The following ZRANB3 variants were observed in gnomAD, a reference collection of about 807,000 sequenced individuals.
ZRANB3 encodes DNA annealing helicase and endonuclease ZRANB3.
Under a neutral mutation model 133.8 loss-of-function variants are expected in ZRANB3, and 125 were observed. The ratio of observed to expected loss-of-function variants is 0.93; its 90% CI spans 0.81 to 1.08. ZRANB3 has a LOEUF of 1.08. ZRANB3 is among the 50% of genes least tolerant of loss of function. ZRANB3 has a pLI of 0.00. For synonymous variants in ZRANB3, 387 were observed against 432.7 expected (o/e 0.89, Z 1.31); for missense variants, 1,229 against 1,275.5 (o/e 0.96, Z 0.56).
chr2:135,518,124 G>A (rs998051379), intron 1 of ZRANB3, among the ~76,000 whole-genome samples: 18 of 152,226 alleles, frequency 1.2e-4, no homozygotes, highest in South Asian at 4.2e-4. Flanking sequence ...AAGCTCGACC[G>A]TCCCAGATAG....
rs186432342 is a variant in ZRANB3 at position 135,213,114 on chromosome 2, A to G, written c.2496-4136T>C. Among the ~76,000 whole-genome samples, 331 of 151,514 alleles carry G rather than the reference A, an allele frequency of 2.2e-3. 1 individual carries two copies. The highest frequency in any genetic ancestry group is 6.9e-3 in the Admixed American group (105 of 15,262). On this transcript the variant is annotated intron_variant, in intron 17 of 20. Coordinates refer to ENST00000264159, the MANE Select transcript of ZRANB3 (RefSeq NM_032143.4). ...GGGGAGTGCCCAAAGTCAGTTAACT[A>G]TAGGTCTTTTTTCAGAACCATTCAG...
rs1430578086 is a variant in ZRANB3 at position 135,228,012 on chromosome 2, AT to A, written c.1957del (p.Met653CysfsTer3). On this transcript the variant is annotated frameshift_variant and splice_region_variant, in exon 14 of 21. Coordinates refer to ENST00000264159, the MANE Select transcript of ZRANB3 (RefSeq NM_032143.4). LOFTEE classifies it high-confidence loss of function. The stretch of plus-strand genomic sequence containing the variant: ...GATATGGTTGAGGCTATCTATTTGC[AT>A]AACTATTAAAATAAAAATTATTACA... ...MCETPQGSAVMQIDSLNHIQD... is the reference protein window; with the variant it reads ...MCETPQGSAVXQIDSLNHIQD... 2 of 1,524,716 alleles carry A rather than the reference AT, an allele frequency of 1.3e-6. No homozygotes were observed. The highest frequency in any genetic ancestry group is 1.8e-6 in the Non-Finnish European group (2 of 1,137,032). 94.4% of individuals were successfully genotyped at this position (1,524,716 alleles called of 1,614,324 possible). A position where few individuals can be genotyped will look rare whatever the true frequency, so the allele number is the denominator to read the frequency against.
intron 2 of ZRANB3, among the ~76,000 whole-genome samples, chr2:135,415,018 G>A (rs1252989203): frequency 1.3e-5 from 2 of 151,408 alleles, no homozygotes; most frequent in African/African-American, 4.8e-5. Context: ...ACCCAAAATT[G>A]ACACCCTAAC....
chr2:135,208,918 G>T lies in ZRANB3; in HGVS notation c.2556C>A (p.Gly852=), dbSNP rs757912143. The change falls in exon 18 of 21, where the codon GGC becomes GGA. Residue 852 remains glycine, a synonymous_variant. Coordinates refer to ENST00000264159, the MANE Select transcript of ZRANB3 (RefSeq NM_032143.4). The part of the protein sequence containing the change: ...ASMDKVKNVG[G]HVRLITKESR... ...ACTCCTTTGTGATCAGACGGACATGGCCCCCAACATTCTTCACTTTGTCCA... is the reference window on the plus strand; with the variant it reads ...ACTCCTTTGTGATCAGACGGACATGTCCCCCAACATTCTTCACTTTGTCCA... 9 of 1,613,938 alleles carry T rather than the reference G, an allele frequency of 5.6e-6. No individual in the cohort carries two copies. Among genetic ancestry groups the T allele is most frequent in the Non-Finnish European group, 7.6e-6 (9 of 1,179,876 alleles).
In ZRANB3 at chr2:135,438,235, A is replaced by G. The variant is rs1011960354; in HGVS notation, c.162-47415T>C. On this transcript the variant is annotated intron_variant, in intron 2 of 20. Transcript: ENST00000264159. ...GAAACCCTGACTAACATGGAAAGCA[A>G]TATTTTCATGTCTATACATTTTTTA... 3.3e-5 allele frequency among the ~76,000 whole-genome samples: 5 copies of G among 152,116 alleles called. No individual in the cohort carries two copies. The East Asian group carries it at 5.8e-4, about 18-fold the overall frequency.
intron 3 of ZRANB3, among the ~76,000 whole-genome samples, chr2:135,387,753 G>A (rs1687044763): frequency 1.3e-5 from 2 of 152,070 alleles, no homozygotes; most frequent in Admixed American, 1.3e-4. Context: ...TAAGTATTGA[G>A]GAAATATTAA....
At chr2:135,292,454 C>T (rs1681800629) in intron 8 of ZRANB3, among the ~76,000 whole-genome samples, 1 of 152,000 alleles carries the variant, frequency 6.6e-6, no homozygotes, top group Non-Finnish European at 1.5e-5. Flanking sequence ...TTTGTTTTTT[C>T]TTGTAAATTT....
chr2:135,468,259 TATA>T (rs1300545001), intron 2 of ZRANB3, among the ~76,000 whole-genome samples: 1 of 152,228 alleles, frequency 6.6e-6, no homozygotes, highest in Admixed American at 6.5e-5. Flanking sequence ...TACTCTTCTG[TATA>T]ATGTTTCCCT....
At chr2:135,369,226 G>A (rs569867985) in intron 3 of ZRANB3, among the ~76,000 whole-genome samples, 12 of 150,746 alleles carry the variant, frequency 8.0e-5, no homozygotes, top group East Asian at 1.9e-4. Context: ...AAACTGTTAC[G>A]GTAAAAAAAA....
At chr2:135,286,134 C>T (rs984499401) in intron 8 of ZRANB3, among the ~76,000 whole-genome samples, 4 of 151,932 alleles carry the variant, frequency 2.6e-5, no homozygotes, top group African/African-American at 9.7e-5. Flanking sequence ...TGGATATGTT[C>T]TTTAGGTGTG....
intron 6 of ZRANB3, among the ~76,000 whole-genome samples, chr2:135,320,576 C>T (rs1683476856): frequency 6.6e-6 from 1 of 152,104 alleles, no homozygotes; most frequent in South Asian, 2.1e-4. Context: ...TAAACATACG[C>T]CTTTTAATCT....
chr2:135,214,826 C>T (rs1197743140), intron 17 of ZRANB3, among the ~76,000 whole-genome samples: 6 of 152,184 alleles, frequency 3.9e-5, no homozygotes, highest in Non-Finnish European at 8.8e-5. Context: ...GGCTAAGAGT[C>T]CCAAACTGGC....
chr2:135,480,598 GT>G lies in ZRANB3; in HGVS notation c.161+23730del, dbSNP rs1375426398. On this transcript the variant is annotated intron_variant, in intron 2 of 20. Transcript: ENST00000264159. ...TGCAAAAGCCTTAAATACTACAAAG[GT>G]TTTTTTTAATCTTTTATTATTATTA... 4.0e-5 allele frequency among the ~76,000 whole-genome samples: 6 copies of G among 151,422 alleles called. No homozygotes were observed. In the South Asian group the frequency reaches 1.0e-3, roughly 26 times the overall value.
intron 2 of ZRANB3, among the ~76,000 whole-genome samples, chr2:135,408,971 TAAAAAAA>T (rs1179738556): frequency 6.8e-6 from 1 of 147,220 alleles, no homozygotes; most frequent in African/African-American, 2.5e-5. Flanking sequence ...ACTTAGAGTA[TAAAAAAA>T]AAAGAAAAAG....
intron 12 of ZRANB3, among the ~76,000 whole-genome samples, chr2:135,244,986 G>A (rs1695724428): frequency 6.6e-6 from 1 of 152,048 alleles, no homozygotes; most frequent in Admixed American, 6.6e-5. Flanking sequence ...TGAGGCTTTA[G>A]TACATAAAAT....
At chr2:135,373,789 A>T (rs1291572707) in intron 3 of ZRANB3, among the ~76,000 whole-genome samples, 1 of 24,520 alleles carries the variant, frequency 4.1e-5, no homozygotes, top group Admixed American at 6.3e-4. Flanking sequence ...AAAAAAAAGA[A>T]AAGAAAAGAA....
intron 3 of ZRANB3, chr2:135,355,333 T>C (rs1268519398): frequency 1.2e-6 from 1 of 807,302 alleles, no homozygotes; most frequent in East Asian, 1.3e-4. Flanking sequence ...TTGGTTCCAA[T>C]ACAGCAGAAC....
chr2:135,362,129 C>A, intron 3 of ZRANB3, among the ~76,000 whole-genome samples: 1 of 149,178 alleles, frequency 6.7e-6, no homozygotes, highest in Non-Finnish European at 1.5e-5. Context: ...ACCTGGGAGG[C>A]GGAGCTTGCA....
intron 6 of ZRANB3, among the ~76,000 whole-genome samples, chr2:135,328,877 G>T (rs552586780): frequency 6.6e-6 from 1 of 152,158 alleles, no homozygotes; most frequent in Non-Finnish European, 1.5e-5. Flanking sequence ...AGAAGTGTCT[G>T]TTCATATCCT....
Sources: gnomAD v4.1 joint callset for allele counts (sites outside exome capture counted in the v4.1 genomes callset) on GRCh38, gnomAD v4.1.1 for gene constraint, MANE v1.5 for transcripts, NCBI Gene and HGNC (gene_info 2026-07-23, HGNC 2026-07-21) for gene names.